Variants in MYMK observed in about 807,000 individuals in gnomAD.
MYMK encodes myomaker, myoblast fusion factor.
Under a neutral mutation model 22.4 loss-of-function variants are expected in MYMK, and 16 were observed. The ratio of observed to expected loss-of-function variants is 0.72; its 90% CI spans 0.48 to 1.09. The LOEUF (loss-of-function observed/expected upper bound fraction) is 1.09, where lower values mean the gene tolerates loss of function less well. Ranked by LOEUF, MYMK falls within the 50% of genes least tolerant of loss-of-function variation. The pLI, the probability that MYMK is intolerant of heterozygous loss-of-function variation, is 0.00. For synonymous variants in MYMK, 125 were observed against 127.0 expected (o/e 0.98, Z 0.11); for missense variants, 250 against 295.6 (o/e 0.85, Z 1.13).
At chr9:133,523,700 A>C (rs985215111) in intron 1 of MYMK, among the ~76,000 whole-genome samples, 1 of 124,380 alleles carries the variant, frequency 8.0e-6, no homozygotes, top group African/African-American at 2.8e-5. Flanking sequence ...AGAGAGAGAG[A>C]GAGAGAGAGA....
chr9:133,518,774 G>A, intron 3 of MYMK, 100 bp downstream of exon 3: 5 of 1,469,960 alleles, frequency 3.4e-6, no homozygotes, highest in Non-Finnish European at 4.6e-6. Flanking sequence ...TTGCCTATGA[G>A]GGCAGGAGGT....
intron 1 of MYMK, 26 bp downstream of exon 1, chr9:133,524,684 G>A (rs762062490): frequency 6.2e-7 from 1 of 1,614,076 alleles, no homozygotes; most frequent in Admixed American, 1.7e-5. Context: ...GCCTGTGTGG[G>A]ACTTCCTCCC....
chr9:133,515,720 G>C lies in MYMK; in HGVS notation c.400-113C>G. 1 of 690,216 alleles carries C rather than the reference G, an allele frequency of 1.4e-6. No individual in the cohort carries two copies. The highest frequency in any genetic ancestry group is 2.5e-6 in the Non-Finnish European group (1 of 394,556). 42.8% of individuals were successfully genotyped at this position (690,216 alleles called of 1,614,324 possible). ...ACAGGCTCACCCCAGCCCTCTCCCG[G>C]CAGGAGAGGAGGCTCAGGAGCCTCC... On this transcript the variant is annotated intron_variant, in intron 3 of 4. Coordinates refer to ENST00000339996, the MANE Select transcript of MYMK (RefSeq NM_001080483.3). The surrounding 1 kb of genome is among the most constrained non-coding windows in gnomAD (Gnocchi z 5.8).
intron 3 of MYMK, 34 bp downstream of exon 3, chr9:133,518,840 G>A (rs748529613): frequency 6.3e-7 from 1 of 1,590,130 alleles, no homozygotes; most frequent in Non-Finnish European, 8.6e-7. Context: ...GGGCCTCCTG[G>A]GTCCCCGTTC....
chr9:133,520,668 C>G (rs980663451), intron 1 of MYMK, among the ~76,000 whole-genome samples: 8 of 152,218 alleles, frequency 5.3e-5, no homozygotes, highest in Admixed American at 4.6e-4. Flanking sequence ...CTCCCCGGAC[C>G]TTCAGCATCT....
chr9:133,520,999 C>T lies in MYMK; in HGVS notation c.136-711G>A, dbSNP rs112503657. Among the ~76,000 whole-genome samples the T allele has an allele frequency of 8.4e-3, 1,281 of 152,224 alleles. 20 individuals carry two copies. The highest frequency in any genetic ancestry group is 0.029 in the African/African-American group (1,222 of 41,524). ...GGCTGGCAGGGCCCACACTGAGAGCCGGGCTGTAGCTCCTGGTTTCTGTTG... is the reference window on the plus strand; with the variant it reads ...GGCTGGCAGGGCCCACACTGAGAGCTGGGCTGTAGCTCCTGGTTTCTGTTG... On this transcript the variant is annotated intron_variant, in intron 1 of 4. Coordinates refer to ENST00000339996, the MANE Select transcript of MYMK (RefSeq NM_001080483.3).
At chr9:133,516,637 A>G (rs1844633825) in intron 3 of MYMK, among the ~76,000 whole-genome samples, 1 of 152,204 alleles carries the variant, frequency 6.6e-6, no homozygotes, top group East Asian at 1.9e-4. Flanking sequence ...CTGGAATTCC[A>G]TTGCCAACAA....
chr9:133,517,651 AG>A (rs1844646872), intron 3 of MYMK, among the ~76,000 whole-genome samples: 1 of 144,122 alleles, frequency 6.9e-6, no homozygotes, highest in Non-Finnish European at 1.5e-5. Context: ...GGGTGACAAG[AG>A]CAAAACTCCG....
intron 4 of MYMK, 138 bp from the exon 5 acceptor site, chr9:133,514,923 C>T (rs1371747294): frequency 5.3e-6 from 5 of 948,634 alleles, no homozygotes; most frequent in Non-Finnish European, 6.2e-6. Flanking sequence ...CCCCCACGGT[C>T]GCGCTCACAG....
intron 1 of MYMK, among the ~76,000 whole-genome samples, chr9:133,523,172 C>T (rs745432225): frequency 3.3e-5 from 5 of 152,230 alleles, no homozygotes; most frequent in East Asian, 3.8e-4. Context: ...TCTGCCATTG[C>T]GGGCAAAATT....
At chr9:133,520,103 A>C (rs1844682921) in intron 2 of MYMK, 71 bp downstream of exon 2, 1 of 1,214,748 alleles carries the variant, frequency 8.2e-7, no homozygotes, top group Non-Finnish European at 1.2e-6. Flanking sequence ...GACTGGTTTG[A>C]GGCTGGGTGT....
chr9:133,523,979 C>A (rs1844733654), intron 1 of MYMK, among the ~76,000 whole-genome samples: 1 of 151,840 alleles, frequency 6.6e-6, no homozygotes, highest in African/African-American at 2.4e-5. Flanking sequence ...AGACAGGGGT[C>A]CCAGAAACAG....
At position 133,524,830 on chromosome 9, in the gene MYMK, C is replaced by T; in HGVS notation, c.15G>A (p.Val5=). Reference sequence around the variant, plus strand: ...TGAGGGTGGGCAGGAGCAGCTTGGCCACCAGCGTCCCCATGGGCCAGGAGG... The same window carrying T: ...TGAGGGTGGGCAGGAGCAGCTTGGCTACCAGCGTCCCCATGGGCCAGGAGG... MGTL[V]AKLLLPTLSS... Residue 5 remains valine, a synonymous_variant, in exon 1 of 5, where the codon GTG becomes GTA. Coordinates refer to ENST00000339996, the MANE Select transcript of MYMK (RefSeq NM_001080483.3). 6.2e-7 allele frequency: 1 copy of T among 1,610,740 alleles called. No individual in the cohort carries two copies. Among genetic ancestry groups the T allele is most frequent in the Non-Finnish European group, 8.5e-7 (1 of 1,178,356 alleles).
intron 3 of MYMK, among the ~76,000 whole-genome samples, chr9:133,516,453 G>T (rs1425277295): frequency 1.3e-5 from 2 of 152,188 alleles, no homozygotes; most frequent in Non-Finnish European, 2.9e-5. Context: ...GATTTCAGTG[G>T]AATCAACTGT....
chr9:133,520,460 C>T (rs1844689955), intron 1 of MYMK, among the ~76,000 whole-genome samples, 172 bp from the exon 2 acceptor site: 1 of 152,256 alleles, frequency 6.6e-6, no homozygotes, highest in African/African-American at 2.4e-5. Context: ...CTGCCGAGCA[C>T]TCCCGCAGAG....
chr9:133,516,898 G>A (rs1484353192), intron 3 of MYMK, among the ~76,000 whole-genome samples: 3 of 152,172 alleles, frequency 2.0e-5, no homozygotes, highest in Admixed American at 1.3e-4. Flanking sequence ...CGAGGCTCAG[G>A]GAGAAAAATC....
chr9:133,524,621 C>T (rs897685221), intron 1 of MYMK, 89 bp downstream of exon 1: 1 of 1,592,648 alleles, frequency 6.3e-7, no homozygotes, highest in Non-Finnish European at 8.6e-7. Context: ...CTGCTCATCA[C>T]CCAATACAAG....
rs1844683805 is a variant in MYMK, at chr9:133,520,161, G to T, written c.250+13C>A. 1.2e-6 allele frequency: 2 copies of T among 1,607,168 alleles called. 1 individual carries two copies. The highest frequency in any genetic ancestry group is 3.3e-5 in the Admixed American group (2 of 59,980). On this transcript the variant is annotated intron_variant, in intron 2 of 4. Coordinates refer to ENST00000339996, the MANE Select transcript of MYMK (RefSeq NM_001080483.3). ...TTGTCCGCAAGGCTTGTCTGCAGGG[G>T]TTGACCACTCACCCATCAGCGAGAC...
intron 2 of MYMK, 104 bp from the exon 3 acceptor site, chr9:133,519,126 C>T: frequency 7.1e-7 from 1 of 1,410,690 alleles, no homozygotes; most frequent in South Asian, 1.3e-5. Flanking sequence ...TAGATGCCCT[C>T]TCTCGGTGTC....
Sources: allele counts gnomAD v4.1 joint callset (sites outside exome capture counted in the v4.1 genomes callset), GRCh38; gene constraint gnomAD v4.1.1; non-coding constraint Gnocchi (gnomAD v3.1); transcripts MANE v1.5; gene names NCBI Gene and HGNC (gene_info 2026-07-23, HGNC 2026-07-21).